The following CREB5 variants were observed in gnomAD, a reference collection of about 807,000 sequenced individuals.
The protein encoded by CREB5 is cAMP responsive element binding protein 5, also known as cyclic AMP-responsive element-binding protein 5.
CREB5 carries 19 observed loss-of-function variants against 57.1 expected under a neutral mutation model. The observed-to-expected ratio is 0.33, with a 90% CI of 0.23 to 0.49. The LOEUF (loss-of-function observed/expected upper bound fraction) is 0.49, where lower values mean the gene tolerates loss of function less well. Among genes scored for constraint, CREB5 ranks in the 20% least tolerant of loss-of-function variants. The pLI is 0.99. For synonymous variants in CREB5, 238 were observed against 238.3 expected (o/e 1.00, Z 0.01); for missense variants, 579 against 671.6 (o/e 0.86, Z 1.52).
chr7:28,568,920 A>G (rs1355087366), intron 4 of CREB5, among the ~76,000 whole-genome samples: 1 of 152,222 alleles, frequency 6.6e-6, no homozygotes, highest in Non-Finnish European at 1.5e-5. Context: ...CTCTTGGGTA[A>G]CATTTATTTT....
chr7:28,357,915 T>C (rs985106546), intron 1 of CREB5, among the ~76,000 whole-genome samples: 2 of 152,006 alleles, frequency 1.3e-5, no homozygotes, highest in Non-Finnish European at 2.9e-5. Context: ...TTATGGGTGG[T>C]GTAAGGTGGG....
chr7:28,657,910 G>T (rs1799399557), intron 5 of CREB5, among the ~76,000 whole-genome samples: 1 of 152,078 alleles, frequency 6.6e-6, no homozygotes, highest in Non-Finnish European at 1.5e-5. Context: ...ATGGCTTTAT[G>T]TGTGTATAAA....
chr7:28,616,923 ACTAT>A (rs1164576794), intron 5 of CREB5, among the ~76,000 whole-genome samples: 7 of 152,340 alleles, frequency 4.6e-5, no homozygotes, highest in Admixed American at 2.0e-4. Flanking sequence ...AAGTGTTTGT[ACTAT>A]CTAAGTCCCT....
chr7:28,688,338 C>A (rs1393260118), intron 5 of CREB5, among the ~76,000 whole-genome samples: 1 of 152,196 alleles, frequency 6.6e-6, no homozygotes, highest in Non-Finnish European at 1.5e-5. Flanking sequence ...TCCCGCACAT[C>A]CTTCAGATTC....
At chr7:28,461,660 C>T (rs1203444355) in intron 1 of CREB5, among the ~76,000 whole-genome samples, 1 of 152,140 alleles carries the variant, frequency 6.6e-6, no homozygotes, top group East Asian at 1.9e-4. Flanking sequence ...AATTTCATGT[C>T]ATTGTAACAC....
chr7:28,643,106 T>C (rs1297820490), intron 5 of CREB5, among the ~76,000 whole-genome samples: 3 of 152,004 alleles, frequency 2.0e-5, no homozygotes, highest in Non-Finnish European at 2.9e-5. Context: ...AATTCTCAAT[T>C]GTCGGGTCCT....
intron 1 of CREB5, among the ~76,000 whole-genome samples, chr7:28,473,921 T>C (rs2128584423): frequency 6.6e-6 from 1 of 152,366 alleles, no homozygotes; most frequent in African/African-American, 2.4e-5. Context: ...TACCTTTAAG[T>C]GGCTTTTGTG....
At chr7:28,332,246 G>A (rs1008082469) in intron 1 of CREB5, among the ~76,000 whole-genome samples, 2 of 152,132 alleles carry the variant, frequency 1.3e-5, no homozygotes, top group African/African-American at 4.8e-5. Context: ...AGTGTGGTCT[G>A]GACTGAAACT....
chr7:28,818,879 T>C, intron 10 of CREB5: 1 of 586,310 alleles, frequency 1.7e-6, no homozygotes, highest in South Asian at 1.7e-5. Flanking sequence ...ACACATCAAA[T>C]CATTTTACTG....
intron 1 of CREB5, among the ~76,000 whole-genome samples, chr7:28,369,982 A>G (rs1786673426): frequency 6.6e-6 from 1 of 152,200 alleles, no homozygotes; most frequent in African/African-American, 2.4e-5. Flanking sequence ...AAACCCTAGC[A>G]GCTACTTTTT....
At chr7:28,447,228 C>T (rs1163641805) in intron 1 of CREB5, among the ~76,000 whole-genome samples, 1 of 152,192 alleles carries the variant, frequency 6.6e-6, no homozygotes, top group Non-Finnish European at 1.5e-5. Context: ...TTTTGAAATA[C>T]GGTAAACAGT....
At chr7:28,809,044 T>G in intron 8 of CREB5, 143 bp from the exon 9 acceptor site, 1 of 674,504 alleles carries the variant, frequency 1.5e-6, no homozygotes, top group Non-Finnish European at 2.6e-6. Flanking sequence ...ATCGTCTGTT[T>G]CATTCATAGG....
chr7:28,472,820 A>G (rs933032820), intron 1 of CREB5, among the ~76,000 whole-genome samples: 2 of 152,114 alleles, frequency 1.3e-5, no homozygotes, highest in Middle Eastern at 3.2e-3. Context: ...CTGAGAATCA[A>G]TCTTAGCCCT....
chr7:28,619,896 G>A (rs1797732283), intron 5 of CREB5, among the ~76,000 whole-genome samples: 2 of 152,080 alleles, frequency 1.3e-5, no homozygotes, highest in African/African-American at 2.4e-5. Context: ...CTGAGCCTCG[G>A]GTGTATTAAG....
At chr7:28,527,623 C>T (rs1050946920) in intron 4 of CREB5, among the ~76,000 whole-genome samples, 6 of 152,094 alleles carry the variant, frequency 3.9e-5, no homozygotes, top group Admixed American at 1.3e-4. Flanking sequence ...TCAAGACCAA[C>T]CTGGGCAATA....
chr7:28,732,843 G>GTTTTTTT (rs60106222), intron 7 of CREB5, among the ~76,000 whole-genome samples: 74 of 141,508 alleles, frequency 5.2e-4, no homozygotes, highest in South Asian at 3.6e-3. Context: ...GTTTAGGGTT[G>GTTTTTTT]TTTTTTTTTT....
At chr7:28,595,908 A>G (rs1796677503) in intron 5 of CREB5, among the ~76,000 whole-genome samples, 4 of 152,320 alleles carry the variant, frequency 2.6e-5, no homozygotes, top group Admixed American at 2.6e-4. Context: ...CGGCAGACAG[A>G]TATCATATGC....
rs13229530 is a variant in CREB5 at position 28,312,525 on chromosome 7, G to A, written c.-25+13084G>A. 1.7e-3 allele frequency among the ~76,000 whole-genome samples: 261 copies of A among 152,304 alleles called. 1 individual carries two copies. Among genetic ancestry groups the A allele is most frequent in the African/African-American group, 5.9e-3 (246 of 41,558 alleles). Reference sequence around the variant, plus strand: ...GGTGTACAAAGGGGGAGGGAAGCGGGTGGAGGCGAAGGAACGTGGGTGCTG... The same window carrying A: ...GGTGTACAAAGGGGGAGGGAAGCGGATGGAGGCGAAGGAACGTGGGTGCTG... On this transcript the variant is annotated intron_variant, in intron 1 of 9. Coordinates refer to the CREB5 transcript ENST00000396299.
intron 5 of CREB5, among the ~76,000 whole-genome samples, chr7:28,580,184 C>T (rs1033133724): frequency 1.3e-5 from 2 of 152,154 alleles, no homozygotes; most frequent in African/African-American, 4.8e-5. Flanking sequence ...TAGATGCCTA[C>T]TCCAAATCAT....
Sources: allele counts gnomAD v4.1 joint callset (sites outside exome capture counted in the v4.1 genomes callset), GRCh38; gene constraint gnomAD v4.1.1; transcripts MANE v1.5; gene names NCBI Gene and HGNC (gene_info 2026-07-23, HGNC 2026-07-21).